FBN3: variants seen among roughly 807,000 people sequenced by gnomAD.
FBN3 encodes the protein fibrillin-3.
In FBN3, 234 loss-of-function variants were observed where a neutral mutation model predicts 330.1. The observed-to-expected ratio is 0.71, with a 90% CI of 0.64 to 0.79. The LOEUF (loss-of-function observed/expected upper bound fraction) is 0.79. Among genes scored for constraint, FBN3 ranks in the 30% least tolerant of loss-of-function variants. FBN3 has a pLI of 0.00. For synonymous variants in FBN3, 1,458 were observed against 1,517.3 expected (o/e 0.96, Z 0.91); for missense variants, 3,606 against 3,886.9 (o/e 0.93, Z 1.92).
chr19:8,143,988 T>C (rs1305881442), intron 6 of FBN3, among the ~76,000 whole-genome samples: 1 of 151,830 alleles, frequency 6.6e-6, no homozygotes, highest in Non-Finnish European at 1.5e-5. Flanking sequence ...TTACTTTTTT[T>C]AGAGAGGGGG....
In FBN3 at chr19:8,117,279, C is replaced by A; in HGVS notation, c.3476G>T (p.Cys1159Phe). 6.3e-7 allele frequency: 1 copy of A among 1,588,130 alleles called. No individual in the cohort carries two copies. Among genetic ancestry groups the A allele is most frequent in the Non-Finnish European group, 8.6e-7 (1 of 1,164,330 alleles). The change falls in exon 28 of 64, where the codon TGC (cysteine) becomes TTC (phenylalanine). Residue 1159 changes from cysteine to phenylalanine, a missense_variant. Coordinates refer to ENST00000600128, the MANE Select transcript of FBN3 (RefSeq NM_032447.5). ...DRQGCVDINE[C>F]RVQNGGCDVH... ...GTCACACCCACCATTCTGGACCCGGCATTCGTTGATGTCTGCAGGATGCAG... is the reference window on the plus strand; with the variant it reads ...GTCACACCCACCATTCTGGACCCGGAATTCGTTGATGTCTGCAGGATGCAG...
rs2081562927 is a variant in FBN3, at chr19:8,073,174, T to C, written c.7826A>G (p.Gln2609Arg). ...FDFDQALGGC[Q>R]EVDECAGRRG... ...CCGTCCGGCGCACTCATCCACCTCCTGGCAGCCCCCGAGGGCCTGATCAAA... is the reference window on the plus strand; with the variant it reads ...CCGTCCGGCGCACTCATCCACCTCCCGGCAGCCCCCGAGGGCCTGATCAAA... The change falls in exon 62 of 64, where the codon CAG becomes CGG. Residue 2609 changes from glutamine to arginine, a missense_variant. By Grantham distance (43) the Gln-to-Arg change is conservative (BLOSUM62 1). Coordinates refer to ENST00000600128, the MANE Select transcript of FBN3 (RefSeq NM_032447.5). The C allele has an allele frequency of 1.2e-6, 2 of 1,613,766 alleles. No homozygotes were observed. The highest frequency in any genetic ancestry group is 1.7e-6 in the Non-Finnish European group (2 of 1,179,964).
rs779029466 is a variant in FBN3, at chr19:8,138,265, G to A, written c.1077C>T (p.Leu359=). ...RLPLLPGHPG[L]FPGLLGFGSN... is the part of the protein sequence containing the mutation. ...ATCCGAAGCCCAGGAGGCCAGGGAA[G>A]AGGCCAGGGTGGCCGGGTAGCAGCG... Residue 359 remains leucine, a synonymous_variant, in exon 10 of 64, where the codon CTC becomes CTT. Transcript: ENST00000600128. The A allele has an allele frequency of 6.8e-6, 11 of 1,612,232 alleles. No homozygotes were observed. The African/African-American group carries it at 1.3e-4, about 20-fold the overall frequency.
Position 8,085,457 on chromosome 19 carries a change from GC to G in FBN3, c.6992del (p.Gly2331AlafsTer34). ...GACAGAGCTCGCAGCGGGGCCCCCA[GC>G]CCCGGCCACCCCCACAGCAGCACTC... ...RAECCCGGGR[G>X]WGPRCELCPL... is the part of the protein sequence containing the mutation. On this transcript the variant is annotated frameshift_variant, in exon 56 of 64. Coordinates refer to ENST00000600128, the MANE Select transcript of FBN3 (RefSeq NM_032447.5). LOFTEE classifies it high-confidence loss of function. The G allele has an allele frequency of 6.3e-7, 1 of 1,577,942 alleles. No individual in the cohort carries two copies. Among genetic ancestry groups the G allele is most frequent in the Non-Finnish European group, 8.6e-7 (1 of 1,163,110 alleles).
chr19:8,069,350 T>C (rs2081462237), intron 63 of FBN3, among the ~76,000 whole-genome samples: 1 of 152,166 alleles, frequency 6.6e-6, no homozygotes, highest in African/African-American at 2.4e-5. Context: ...GGGTGACGTA[T>C]CCAACCCCAC....
intron 48 of FBN3, among the ~76,000 whole-genome samples, chr19:8,090,715 C>T (rs1953220107): frequency 6.6e-6 from 1 of 151,792 alleles, no homozygotes; most frequent in South Asian, 2.1e-4. Context: ...AACTCCTGAC[C>T]TCAGGTGATC....
chr19:8,104,177 A>AC (rs369941257), intron 38 of FBN3, among the ~76,000 whole-genome samples: 2 of 151,788 alleles, frequency 1.3e-5, no homozygotes, highest in African/African-American at 2.4e-5. Context: ...AAAAAAAAAA[A>AC]AAAAAACATT....
At chr19:8,135,936 G>GGGGGGGGGGGGGCGCCCCCCCCCCCCCC in intron 13 of FBN3, 25 bp downstream of exon 13, 1 of 668,776 alleles carries the variant, frequency 1.5e-6, no homozygotes, top group Non-Finnish European at 2.4e-6. Flanking sequence ...GGAAGCCCCT[G>GGGGGGGGGGGGGCGCCCCCCCCCCCCCC]CCCACCCGCC....
intron 32 of FBN3, 24 bp downstream of exon 32, chr19:8,111,624 G>GCCCCCCCC: frequency 6.9e-7 from 1 of 1,453,550 alleles, no homozygotes; most frequent in South Asian, 1.2e-5. Flanking sequence ...TAGGGCCCCT[G>GCCCCCCCC]CCCTCCCACC....
chr19:8,140,873 C>T (rs1162676875), intron 8 of FBN3, among the ~76,000 whole-genome samples: 1 of 152,068 alleles, frequency 6.6e-6, no homozygotes, highest in Admixed American at 6.6e-5. Context: ...GCTGTGATGG[C>T]CCCCAGTGGT....
chr19:8,116,632 T>C (rs754330272), intron 29 of FBN3, 42 bp downstream of exon 29: 1 of 1,582,014 alleles, frequency 6.3e-7, no homozygotes, highest in South Asian at 1.1e-5. Flanking sequence ...ATTCTGACAC[T>C]GCCTCCTCCA....
At chr19:8,122,522 A>G (rs1199377945) in intron 24 of FBN3, among the ~76,000 whole-genome samples, 1 of 151,664 alleles carries the variant, frequency 6.6e-6, no homozygotes, top group Non-Finnish European at 1.5e-5. Context: ...GCCCGCCACC[A>G]GGCCCAGCTA....
intron 41 of FBN3, among the ~76,000 whole-genome samples, chr19:8,100,050 C>G (rs1035658453): frequency 6.6e-6 from 1 of 150,754 alleles, no homozygotes; most frequent in Non-Finnish European, 1.5e-5. Context: ...TTGACACAAA[C>G]TGCAACACGG....
chr19:8,118,024 AC>A (rs2082747499), intron 26 of FBN3, among the ~76,000 whole-genome samples: 1 of 151,876 alleles, frequency 6.6e-6, no homozygotes, highest in Non-Finnish European at 1.5e-5. Context: ...GCACACACAG[AC>A]ACACAAACAC....
rs1317711429 is a variant in FBN3 at position 8,088,129 on chromosome 19, T to TG, written c.6426dup (p.Asn2143GlnfsTer12). 6.2e-7 allele frequency: 1 copy of TG among 1,613,842 alleles called. No individual in the cohort carries two copies. Among genetic ancestry groups the TG allele is most frequent in the Non-Finnish European group, 8.5e-7 (1 of 1,179,932 alleles). On this transcript the variant is annotated frameshift_variant, in exon 52 of 64. Transcript: ENST00000600128. LOFTEE classifies it high-confidence loss of function. ...GCACATTCGAAGCCTCCGATGACATTGGTGCATGTCCCTTGCCCACAGGGG... is the reference window on the plus strand; with the variant it reads ...GCACATTCGAAGCCTCCGATGACATTGGGTGCATGTCCCTTGCCCACAGGGG...
chr19:8,074,825 G>A, intron 61 of FBN3: 1 of 475,294 alleles, frequency 2.1e-6, no homozygotes, highest in Non-Finnish European at 3.7e-6. Context: ...TCAGGTCTCA[G>A]AATCTTTCTC....
Position 8,072,966 on chromosome 19 carries a change from CGTGTGTGTGTGTGT to C in FBN3, c.7937+83_7937+96del, listed in dbSNP as rs60155490. On this transcript the variant is annotated intron_variant, in intron 62 of 63. Coordinates refer to ENST00000600128, the MANE Select transcript of FBN3 (RefSeq NM_032447.5). ...TAAATTCTTGGCATGCACAAAGCCC[CGTGTGTGTGTGTGT>C]GTGTGTGTGTGTGTGTGTGTGTGCG... The C allele has an allele frequency of 0.016, 10,320 of 645,236 alleles. 698 individuals carry two copies. In the African/African-American group the frequency reaches 0.18, roughly 11 times the overall value. The allele number at this position is 645,236 out of a possible 1,614,324, so 40.0% of individuals were successfully genotyped here. A position where few individuals can be genotyped will look rare whatever the true frequency, so the allele number is the denominator to read the frequency against.
chr19:8,075,039 G>A, intron 61 of FBN3, 32 bp downstream of exon 61: 1 of 1,592,252 alleles, frequency 6.3e-7, no homozygotes, highest in Non-Finnish European at 8.5e-7. Context: ...TCTGGTGGAG[G>A]GCCCAGCTTC....
intron 30 of FBN3, among the ~76,000 whole-genome samples, chr19:8,113,323 G>A (rs4804265): frequency 0.2 from 29,990 of 152,122 alleles, 3,359 homozygotes; most frequent in South Asian, 0.4. Flanking sequence ...CTGGAGTGCA[G>A]TGCAATGGTG....
Sources: gnomAD v4.1 joint callset for allele counts (sites outside exome capture counted in the v4.1 genomes callset) on GRCh38, gnomAD v4.1.1 for gene constraint, MANE v1.5 for transcripts, NCBI Gene and HGNC (gene_info 2026-07-23, HGNC 2026-07-21) for gene names.